FRMD6: variants seen among roughly 807,000 people sequenced by gnomAD.
The protein encoded by FRMD6 is FERM domain-containing protein 6.
Under a neutral mutation model 73.2 loss-of-function variants are expected in FRMD6, and 37 were observed. The ratio of observed to expected loss-of-function variants is 0.51; its 90% CI spans 0.39 to 0.66. The LOEUF (loss-of-function observed/expected upper bound fraction) is 0.66. FRMD6 is among the 30% of genes least tolerant of loss of function. The probability of loss-of-function intolerance (pLI) is 0.00; values close to 1 mark genes in which losing one functional copy is unlikely to be tolerated. For missense variants in FRMD6, 714 were observed against 780.5 expected, an observed-to-expected ratio of 0.91 and a Z score of 1.02; for synonymous variants, 273 against 282.2, an observed-to-expected ratio of 0.97 and a Z score of 0.33.
intron 1 of FRMD6, among the ~76,000 whole-genome samples, chr14:51,667,974 T>C (rs1273822371): frequency 6.6e-6 from 1 of 152,188 alleles, no homozygotes; most frequent in Non-Finnish European, 1.5e-5. Flanking sequence ...GAAATATAAG[T>C]TGTAGAGTAA....
chr14:51,537,917 A>G (rs887835167), intron 1 of FRMD6, among the ~76,000 whole-genome samples: 4 of 151,930 alleles, frequency 2.6e-5, no homozygotes, highest in African/African-American at 9.7e-5. Flanking sequence ...TCTTTATCAG[A>G]TATGTCTTTT....
chr14:51,661,443 C>T (rs978198617), intron 1 of FRMD6, among the ~76,000 whole-genome samples: 2 of 152,156 alleles, frequency 1.3e-5, no homozygotes, highest in Non-Finnish European at 2.9e-5. Flanking sequence ...TATTGATCTA[C>T]ACAATGGAAG....
chr14:51,493,907 T>C (rs35179274), intron 1 of FRMD6, among the ~76,000 whole-genome samples: 29,082 of 152,140 alleles, frequency 0.19, 2,993 homozygotes, highest in Non-Finnish European at 0.24. Context: ...TTCTAAAGGC[T>C]GGAAAGTCCA....
At chr14:51,457,255 A>T in the FRMD6 span, among the ~76,000 whole-genome samples, 1 of 152,230 alleles carries the variant, frequency 6.6e-6, no homozygotes, top group African/African-American at 2.4e-5. Flanking sequence ...ATCCACATGT[A>T]CAATTATTGT....
chr14:51,616,291 C>T (rs1163608862), intron 2 of FRMD6, among the ~76,000 whole-genome samples: 2 of 152,142 alleles, frequency 1.3e-5, no homozygotes, highest in Non-Finnish European at 2.9e-5. Context: ...AGTACTGATG[C>T]TTGGATCCAG....
chr14:51,412,049 G>A, the FRMD6 span, among the ~76,000 whole-genome samples: 17 of 151,942 alleles, frequency 1.1e-4, no homozygotes, highest in African/African-American at 4.1e-4. Flanking sequence ...CTATTGTACT[G>A]TCTCTATCTT....
At chr14:51,723,772 C>A (rs1325339881) in intron 12 of FRMD6, among the ~76,000 whole-genome samples, 79 of 138,650 alleles carry the variant, frequency 5.7e-4, no homozygotes, top group African/African-American at 8.6e-4. Context: ...GAGACTCTGT[C>A]AAAAAAAAAA....
At chr14:51,532,007 A>G (rs947450499) in intron 1 of FRMD6, among the ~76,000 whole-genome samples, 2 of 152,220 alleles carry the variant, frequency 1.3e-5, no homozygotes, top group Non-Finnish European at 2.9e-5. Context: ...CAGTTGTTAA[A>G]CATTTACCAC....
chr14:51,617,338 G>A (rs1890754751), intron 2 of FRMD6, among the ~76,000 whole-genome samples: 1 of 152,126 alleles, frequency 6.6e-6, no homozygotes, highest in Non-Finnish European at 1.5e-5. Flanking sequence ...GAAGAGAGAA[G>A]GCAGAGAGAG....
the FRMD6 span, among the ~76,000 whole-genome samples, chr14:51,406,967 TCAGA>T: frequency 6.6e-6 from 1 of 152,154 alleles, no homozygotes; most frequent in Admixed American, 6.5e-5. Flanking sequence ...GATTTTTGTA[TCAGA>T]CAAACTTGAT....
the FRMD6 span, among the ~76,000 whole-genome samples, chr14:51,418,806 G>A: frequency 3.9e-5 from 6 of 152,230 alleles, no homozygotes; most frequent in Non-Finnish European, 7.3e-5. Flanking sequence ...GAGGCAGCTG[G>A]CCTTGCTGAG....
In FRMD6 at chr14:51,704,565, C is replaced by T. The variant is rs555242189; in HGVS notation, c.372-184C>T. Reference sequence around the variant, plus strand: ...TAGTCTGATTTGGGGTTCTGACCCCCTGCAACCTCAGTGAGGCAGCTATCA... The same window carrying T: ...TAGTCTGATTTGGGGTTCTGACCCCTTGCAACCTCAGTGAGGCAGCTATCA... On this transcript the variant is annotated intron_variant, in intron 5 of 13. Coordinates refer to ENST00000344768, the MANE Select transcript of FRMD6 (RefSeq NM_001267046.2). 4 of 553,452 alleles carry T rather than the reference C, an allele frequency of 7.2e-6. No homozygotes were observed. In the South Asian group the frequency reaches 8.3e-5, roughly 11 times the overall value. 34.3% of individuals were successfully genotyped at this position (553,452 alleles called of 1,614,324 possible).
intron 1 of FRMD6, among the ~76,000 whole-genome samples, chr14:51,513,675 T>TA (rs1397698332): frequency 6.6e-6 from 1 of 152,058 alleles, no homozygotes; most frequent in African/African-American, 2.4e-5. Flanking sequence ...AGAGCTTCTC[T>TA]AATGACCTGA....
chr14:51,688,079 A>G (rs1298840382), intron 1 of FRMD6, among the ~76,000 whole-genome samples: 1 of 151,606 alleles, frequency 6.6e-6, no homozygotes, highest in East Asian at 1.9e-4. Context: ...TGGTCCTCCA[A>G]CTGATGCTTT....
Position 51,727,963 on chromosome 14 carries a change from C to G in FRMD6, c.1803C>G (p.Val601=). The G allele has an allele frequency of 6.2e-7, 1 of 1,613,988 alleles. No homozygotes were observed. The highest frequency in any genetic ancestry group is 8.5e-7 in the Non-Finnish European group (1 of 1,179,858). ...QCINIQDAFP[V]KRTSKYFSLD... ...TCAACATCCAAGATGCTTTTCCAGT[C>G]AAAAGAACCAGCAAATACTTTTCTC... The change falls in exon 14 of 14, where the codon GTC becomes GTG. Residue 601 remains valine (V), a synonymous_variant. Transcript: ENST00000344768.
intron 1 of FRMD6, among the ~76,000 whole-genome samples, chr14:51,520,555 A>G (rs1884894929): frequency 2.0e-5 from 3 of 152,232 alleles, no homozygotes; most frequent in Admixed American, 2.0e-4. Flanking sequence ...TCAGGAGGTG[A>G]TGAATATACG....
At chr14:51,717,778 T>C (rs1897316983) in intron 10 of FRMD6, among the ~76,000 whole-genome samples, 1 of 152,212 alleles carries the variant, frequency 6.6e-6, no homozygotes, top group Non-Finnish European at 1.5e-5. Flanking sequence ...GTGTTTTTCT[T>C]AATTTTATGT....
chr14:51,677,249 A>G (rs886830219), intron 1 of FRMD6, among the ~76,000 whole-genome samples: 17 of 152,216 alleles, frequency 1.1e-4, no homozygotes, highest in Non-Finnish European at 1.5e-4. Flanking sequence ...ATTTAGTTCA[A>G]TCTTTGTTAG....
intron 1 of FRMD6, among the ~76,000 whole-genome samples, chr14:51,682,456 C>T (rs1894866686): frequency 6.6e-6 from 1 of 152,006 alleles, no homozygotes; most frequent in Non-Finnish European, 1.5e-5. Flanking sequence ...AGCAGTCAGT[C>T]AGCTTCTTGT....
Sources: gnomAD v4.1 joint callset for allele counts (sites outside exome capture counted in the v4.1 genomes callset) on GRCh38, gnomAD v4.1.1 for gene constraint, MANE v1.5 for transcripts, NCBI Gene and HGNC (gene_info 2026-07-23, HGNC 2026-07-21) for gene names.